The following MITF variants were observed in gnomAD, a reference collection of about 807,000 sequenced individuals.
MITF encodes melanocyte inducing transcription factor, also known as microphthalmia-associated transcription factor.
Under a neutral mutation model 60.5 loss-of-function variants are expected in MITF, and 17 were observed. The ratio of observed to expected loss-of-function variants is 0.28; its 90% CI spans 0.19 to 0.42. MITF has a LOEUF of 0.42. Ranked by LOEUF, MITF falls within the 10% of genes least tolerant of loss-of-function variation. The probability of loss-of-function intolerance (pLI) is 1.00; values close to 1 mark genes in which losing one functional copy is unlikely to be tolerated. For synonymous variants in MITF, 260 were observed against 248.5 expected (o/e 1.05, Z -0.43); for missense variants, 622 against 683.5 (o/e 0.91, Z 1.00).
intron 2 of MITF, among the ~76,000 whole-genome samples, chr3:69,924,915 T>C (rs2065551760): frequency 6.6e-6 from 1 of 152,136 alleles, no homozygotes; most frequent in Admixed American, 6.5e-5. Flanking sequence ...AATCCATCTA[T>C]GATATTTGAG....
chr3:69,897,797 T>G (rs1326761090), intron 2 of MITF, among the ~76,000 whole-genome samples: 1 of 152,198 alleles, frequency 6.6e-6, no homozygotes, highest in Non-Finnish European at 1.5e-5. Flanking sequence ...TAGTAAGCCC[T>G]CATAAATTAA....
chr3:69,877,209 A>T (rs1244493967), intron 1 of MITF, among the ~76,000 whole-genome samples: 1 of 152,226 alleles, frequency 6.6e-6, no homozygotes, highest in Non-Finnish European at 1.5e-5. Flanking sequence ...CCATTCTCAT[A>T]GTATGGGACA....
At position 69,875,012 on chromosome 3, in the gene MITF, A is replaced by G. The variant is rs559375255; in HGVS notation, c.105-4122A>G. 3.4e-3 allele frequency among the ~76,000 whole-genome samples: 511 copies of G among 152,316 alleles called. 2 individuals carry two copies. Among genetic ancestry groups the G allele is most frequent in the Non-Finnish European group, 6.0e-3 (409 of 68,032 alleles). ...CATTTGGTGGCCATCTGGTGTCTGT[A>G]TACCTCCAGCCACTGTGCTGAACAC... On this transcript the variant is annotated intron_variant, in intron 1 of 9. Transcript: ENST00000352241.
At chr3:69,828,813 T>TG (rs1364528774) in intron 1 of MITF, among the ~76,000 whole-genome samples, 1 of 152,170 alleles carries the variant, frequency 6.6e-6, no homozygotes, top group Non-Finnish European at 1.5e-5. Context: ...ATCATGAACT[T>TG]GCTAATTTTA....
chr3:69,880,445 A>G (rs760846006), intron 2 of MITF, among the ~76,000 whole-genome samples: 1 of 152,158 alleles, frequency 6.6e-6, no homozygotes, highest in Non-Finnish European at 1.5e-5. Context: ...TAGTGATGCA[A>G]TAATGGAACT....
At chr3:69,845,174 A>T (rs1325492985) in intron 1 of MITF, among the ~76,000 whole-genome samples, 1 of 151,810 alleles carries the variant, frequency 6.6e-6, no homozygotes, top group Admixed American at 6.6e-5. Context: ...TTAATTTTCC[A>T]TCATTGGTTC....
intron 1 of MITF, among the ~76,000 whole-genome samples, chr3:69,743,823 C>T (rs889463643): frequency 2.6e-5 from 4 of 152,210 alleles, no homozygotes; most frequent in African/African-American, 9.6e-5. Flanking sequence ...CAGAGGAAGT[C>T]TCTACAGGTC....
chr3:69,956,643 C>G, intron 8 of MITF, 113 bp downstream of exon 8: 1 of 833,886 alleles, frequency 1.2e-6, no homozygotes, highest in Non-Finnish European at 2.0e-6. Flanking sequence ...CTCCCCTCTC[C>G]CTTTGGTTCT....
intron 3 of MITF, chr3:69,938,664 A>G: frequency 7.5e-7 from 1 of 1,328,802 alleles, no homozygotes; most frequent in Non-Finnish European, 9.6e-7. Flanking sequence ...GACTCAAACT[A>G]CCTTCAAGCT....
At chr3:69,773,114 G>A (rs2062418606) in intron 1 of MITF, among the ~76,000 whole-genome samples, 1 of 152,080 alleles carries the variant, frequency 6.6e-6, no homozygotes, top group Non-Finnish European at 1.5e-5. Context: ...AGAAGATGAG[G>A]GAGTCATGCC....
chr3:69,811,382 A>G (rs1006153032), intron 1 of MITF, among the ~76,000 whole-genome samples: 1 of 152,202 alleles, frequency 6.6e-6, no homozygotes, highest in African/African-American at 2.4e-5. Context: ...ACCCAGGTGC[A>G]TGGACTGTAG....
intron 1 of MITF, among the ~76,000 whole-genome samples, chr3:69,824,814 G>C (rs899847286): frequency 6.6e-6 from 1 of 152,164 alleles, no homozygotes; most frequent in African/African-American, 2.4e-5. Flanking sequence ...GGGTGCCTCT[G>C]GTGGGACACC....
At chr3:69,919,069 C>T (rs1302088401) in intron 2 of MITF, among the ~76,000 whole-genome samples, 4 of 152,186 alleles carry the variant, frequency 2.6e-5, no homozygotes, top group African/African-American at 9.6e-5. Context: ...TAAGCATATT[C>T]AGTGGTAAAG....
intron 2 of MITF, among the ~76,000 whole-genome samples, chr3:69,930,244 G>T (rs2065688045): frequency 6.6e-6 from 1 of 152,124 alleles, no homozygotes; most frequent in Non-Finnish European, 1.5e-5. Context: ...CACCAGGGCT[G>T]GGAGTGTAGA....
chr3:69,894,113 A>G (rs760910877), intron 2 of MITF, among the ~76,000 whole-genome samples: 1 of 152,216 alleles, frequency 6.6e-6, no homozygotes, highest in Non-Finnish European at 1.5e-5. Context: ...AGGAGTGACC[A>G]TATATGATTT....
Position 69,758,385 on chromosome 3 carries a change from G to T in MITF, c.104+18684G>T, listed in dbSNP as rs188817706. ...GGGATCTTGCTTTGTTGCCCATGCTGGTCTTGAATTCTTGGCCTCAAGCAA... is the reference window on the plus strand; with the variant it reads ...GGGATCTTGCTTTGTTGCCCATGCTTGTCTTGAATTCTTGGCCTCAAGCAA... On this transcript the variant is annotated intron_variant, in intron 1 of 9. Transcript: ENST00000352241. Among the ~76,000 whole-genome samples the T allele has an allele frequency of 3.1e-3, 474 of 151,656 alleles. 1 individual carries two copies. Among genetic ancestry groups the T allele is most frequent in the Non-Finnish European group, 5.4e-3 (364 of 67,888 alleles).
intron 1 of MITF, among the ~76,000 whole-genome samples, chr3:69,847,685 T>C (rs569969851): frequency 2.0e-5 from 3 of 152,328 alleles, no homozygotes; most frequent in Admixed American, 2.0e-4. Context: ...TGGTGAAAAA[T>C]CATTTCTTTC....
intron 1 of MITF, among the ~76,000 whole-genome samples, chr3:69,871,609 T>G (rs1400361697): frequency 1.3e-5 from 2 of 152,218 alleles, no homozygotes; most frequent in Admixed American, 6.5e-5. Flanking sequence ...ACTTTTGTCT[T>G]TATTTCAACA....
intron 1 of MITF, among the ~76,000 whole-genome samples, chr3:69,860,525 A>G (rs867938546): frequency 1.0e-3 from 158 of 150,614 alleles, no homozygotes; most frequent in African/African-American, 3.7e-3. Context: ...GTGAACCCGG[A>G]AGGCGGAGCT....
Sources: allele counts gnomAD v4.1 joint callset (sites outside exome capture counted in the v4.1 genomes callset), GRCh38; gene constraint gnomAD v4.1.1; transcripts MANE v1.5; gene names NCBI Gene and HGNC (gene_info 2026-07-23, HGNC 2026-07-21).